The following GALNT13 variants were observed in gnomAD, a reference collection of about 807,000 sequenced individuals.
The protein encoded by GALNT13 is polypeptide N-acetylgalactosaminyltransferase 13, also known as UDP-GalNAc:polypeptide N-acetylgalactosaminyltransferase 13.
A neutral mutation model predicts 64.2 loss-of-function variants in GALNT13; 28 were observed. That is an observed-to-expected ratio of 0.44 (90% confidence interval 0.32 to 0.60). The LOEUF (loss-of-function observed/expected upper bound fraction) is 0.60, where lower values mean the gene tolerates loss of function less well. Ranked by LOEUF, GALNT13 falls within the 20% of genes least tolerant of loss-of-function variation. GALNT13 has a pLI of 0.05. For missense variants in GALNT13, 577 were observed against 669.8 expected (o/e 0.86, Z 1.53); for synonymous variants, 214 against 224.6 (o/e 0.95, Z 0.42).
At chr2:153,866,841 G>T in the GALNT13 span, among the ~76,000 whole-genome samples, 44 of 152,052 alleles carry the variant, frequency 2.9e-4, no homozygotes, top group Non-Finnish European at 5.3e-4. Flanking sequence ...TAAATGATGA[G>T]AAAATTTGTC....
At chr2:154,408,739 G>A (rs535290122) in intron 10 of GALNT13, among the ~76,000 whole-genome samples, 34 of 152,106 alleles carry the variant, frequency 2.2e-4, no homozygotes, top group African/African-American at 8.2e-4. Flanking sequence ...AACAGGGAAT[G>A]TTTCTTGATT....
chr2:153,368,874 A>G, the GALNT13 span, among the ~76,000 whole-genome samples: 1 of 152,068 alleles, frequency 6.6e-6, no homozygotes, highest in African/African-American at 2.4e-5. Context: ...CACATACTTT[A>G]CTTTAAATTG....
At chr2:153,507,803 C>T in the GALNT13 span, among the ~76,000 whole-genome samples, 2 of 152,124 alleles carry the variant, frequency 1.3e-5, no homozygotes, top group East Asian at 3.9e-4. Context: ...TGGACTACGT[C>T]AGAGGGAAGA....
At chr2:153,558,328 C>A in the GALNT13 span, among the ~76,000 whole-genome samples, 1 of 152,292 alleles carries the variant, frequency 6.6e-6, no homozygotes, top group African/African-American at 2.4e-5. Context: ...CACTGCTCTG[C>A]TTGAGCCTCA....
At chr2:154,299,536 C>G (rs531374871) in intron 8 of GALNT13, among the ~76,000 whole-genome samples, 1 of 149,602 alleles carries the variant, frequency 6.7e-6, no homozygotes, top group South Asian at 2.1e-4. Flanking sequence ...CTCAGTGCAA[C>G]CTCCGCCTCC....
At chr2:154,240,295 T>G (rs1409404327) in intron 4 of GALNT13, among the ~76,000 whole-genome samples, 2 of 152,206 alleles carry the variant, frequency 1.3e-5, no homozygotes, top group African/African-American at 4.8e-5. Context: ...AAATCTGGAC[T>G]TATTTGGATT....
the GALNT13 span, among the ~76,000 whole-genome samples, chr2:153,262,009 A>G: frequency 6.6e-6 from 1 of 152,210 alleles, no homozygotes. Flanking sequence ...CCAAGAGTCA[A>G]GGCCTAGAAT....
At chr2:153,459,171 C>G in the GALNT13 span, among the ~76,000 whole-genome samples, 5 of 151,706 alleles carry the variant, frequency 3.3e-5, no homozygotes, top group African/African-American at 1.2e-4. Flanking sequence ...AATAGTATGA[C>G]AAAACATAAA....
the GALNT13 span, among the ~76,000 whole-genome samples, chr2:153,596,787 A>G: frequency 2.0e-5 from 3 of 152,234 alleles, no homozygotes; most frequent in South Asian, 6.2e-4. Context: ...ATATGTGTGT[A>G]CATATGCATG....
chr2:154,365,665 A>C (rs1417678438), intron 9 of GALNT13, among the ~76,000 whole-genome samples: 1 of 152,208 alleles, frequency 6.6e-6, no homozygotes, highest in Non-Finnish European at 1.5e-5. Context: ...ATGTTTCTTC[A>C]CCAGCTTTAT....
chr2:154,352,051 A>T lies in GALNT13; in HGVS notation c.1157-43940A>T, dbSNP rs992905052. ...TACTTTTTCAGTGTCATTTGATAACAATACAAACTAGTTCATATATTCTTT... is the reference window on the plus strand; with the variant it reads ...TACTTTTTCAGTGTCATTTGATAACTATACAAACTAGTTCATATATTCTTT... On this transcript the variant is annotated intron_variant, in intron 9 of 12. Coordinates refer to ENST00000392825, the MANE Select transcript of GALNT13 (RefSeq NM_052917.4). Among the ~76,000 whole-genome samples the T allele has an allele frequency of 9.2e-5, 14 of 152,328 alleles. 1 individual carries two copies. In the East Asian group the frequency reaches 2.7e-3, roughly 29 times the overall value.
the GALNT13 span, among the ~76,000 whole-genome samples, chr2:153,675,336 C>T: frequency 6.6e-6 from 1 of 152,246 alleles, no homozygotes; most frequent in African/African-American, 2.4e-5. Context: ...GAAAGTGTGG[C>T]ACATATACAC....
chr2:154,359,231 A>T (rs1696924527), intron 9 of GALNT13, among the ~76,000 whole-genome samples: 1 of 152,086 alleles, frequency 6.6e-6, no homozygotes, highest in Admixed American at 6.6e-5. Flanking sequence ...ATCCTATTCA[A>T]GGTAGTCTTG....
the GALNT13 span, among the ~76,000 whole-genome samples, chr2:153,649,593 T>A: frequency 1.3e-5 from 2 of 151,688 alleles, no homozygotes; most frequent in African/African-American, 4.8e-5. Flanking sequence ...CTTTCTCTTG[T>A]GGGCATTTAG....
chr2:153,265,967 G>T, the GALNT13 span, among the ~76,000 whole-genome samples: 1 of 152,116 alleles, frequency 6.6e-6, no homozygotes, highest in East Asian at 1.9e-4. Flanking sequence ...CCCTCAGATG[G>T]TCGTTAACAA....
At chr2:154,098,476 G>T (rs1702185757) in intron 3 of GALNT13, among the ~76,000 whole-genome samples, 1 of 151,562 alleles carries the variant, frequency 6.6e-6, no homozygotes, top group African/African-American at 2.4e-5. Flanking sequence ...TATATTTGGG[G>T]GTACATGTGC....
chr2:153,367,211 TA>T, the GALNT13 span, among the ~76,000 whole-genome samples: 2 of 152,016 alleles, frequency 1.3e-5, no homozygotes, highest in African/African-American at 4.8e-5. Context: ...TAAAGTAAAA[TA>T]GTGATGCATT....
chr2:153,973,797 T>A (rs1376276092), intron 3 of GALNT13, among the ~76,000 whole-genome samples: 3 of 152,038 alleles, frequency 2.0e-5, no homozygotes, highest in African/African-American at 7.2e-5. Flanking sequence ...GTAAGTTTTT[T>A]AGGTTATTCA....
At chr2:153,903,478 G>A (rs1688363411) in intron 2 of GALNT13, among the ~76,000 whole-genome samples, 1 of 151,888 alleles carries the variant, frequency 6.6e-6, no homozygotes, top group African/African-American at 2.4e-5. Context: ...ATAATATACT[G>A]CTTAAGACCA....
Sources: allele counts gnomAD v4.1 joint callset (sites outside exome capture counted in the v4.1 genomes callset), GRCh38; gene constraint gnomAD v4.1.1; transcripts MANE v1.5; gene names NCBI Gene and HGNC (gene_info 2026-07-23, HGNC 2026-07-21).